ZFHX4: variants seen among roughly 807,000 people sequenced by gnomAD.
The protein encoded by ZFHX4 is zinc finger homeobox 4.
Under a neutral mutation model 267.6 loss-of-function variants are expected in ZFHX4, and 56 were observed. The observed-to-expected ratio is 0.21, with a 90% CI of 0.17 to 0.26. ZFHX4 has a LOEUF of 0.26. Among genes scored for constraint, ZFHX4 ranks in the 10% least tolerant of loss-of-function variants. The pLI is 1.00. For missense variants in ZFHX4, 4,332 were observed against 4,420.0 expected (o/e 0.98, Z 0.56); for synonymous variants, 1,778 against 1,665.6 (o/e 1.07, Z -1.64).
chr8:76,864,798 G>A lies in ZFHX4; in HGVS notation c.*233G>A, dbSNP rs1812987890. The A allele has an allele frequency of 2.0e-5, 6 of 298,744 alleles. 1 individual carries two copies. In the South Asian group the frequency reaches 6.3e-4, roughly 31 times the overall value. 18.5% of individuals were successfully genotyped at this position (298,744 alleles called of 1,614,324 possible). The stretch of plus-strand genomic sequence containing the variant: ...TACTATATGCTAAAATATGGAAAAG[G>A]AAAAAAAAATCTCACAAGTTCTTTT... On this transcript the variant is annotated 3_prime_UTR_variant, in exon 11 of 11. Coordinates refer to ENST00000651372, the MANE Select transcript of ZFHX4 (RefSeq NM_024721.5).
rs552769114 is a variant in ZFHX4, at chr8:76,826,391, G to C, written c.3326-6947G>C. Among the ~76,000 whole-genome samples, 84 of 152,246 alleles carry C rather than the reference G, an allele frequency of 5.5e-4. 1 individual carries two copies. In the South Asian group the frequency reaches 0.016, roughly 29 times the overall value. On this transcript the variant is annotated intron_variant, in intron 4 of 10. Transcript: ENST00000651372. ...ACAAACATCCAAACCATATCACCCT[G>C]TAAGGAGTCTCTGAAAGAGTTAAAG...
chr8:76,753,153 A>G lies in ZFHX4; in HGVS notation c.3094-25055A>G, dbSNP rs536063600. Among the ~76,000 whole-genome samples the G allele has an allele frequency of 2.6e-5, 4 of 152,286 alleles. No individual in the cohort carries two copies. The South Asian group carries it at 8.3e-4, about 32-fold the overall frequency. ...ATCCATAAGTCAACAACATAGAATA[A>G]CCATACTCCAGGCTTCTCTAGAATT... On this transcript the variant is annotated intron_variant, in intron 3 of 10. Transcript: ENST00000651372.
chr8:76,806,222 C>G (rs948348272), intron 4 of ZFHX4, among the ~76,000 whole-genome samples: 1 of 152,036 alleles, frequency 6.6e-6, no homozygotes, highest in Non-Finnish European at 1.5e-5. Context: ...GCATGATCAT[C>G]CAAAAGACAA....
At chr8:76,720,187 C>T (rs557932982) in intron 3 of ZFHX4, among the ~76,000 whole-genome samples, 6 of 152,204 alleles carry the variant, frequency 3.9e-5, no homozygotes, top group Middle Eastern at 3.4e-3. Context: ...CTCCCTTCTC[C>T]GGCCCTAGGC....
At chr8:76,814,212 A>G (rs1379240508) in intron 4 of ZFHX4, among the ~76,000 whole-genome samples, 1 of 152,202 alleles carries the variant, frequency 6.6e-6, no homozygotes, top group Non-Finnish European at 1.5e-5. Flanking sequence ...CTGGGATTAC[A>G]GGTGTATACC....
At chr8:76,695,996 G>T (rs1807946831) in intron 1 of ZFHX4, among the ~76,000 whole-genome samples, 1 of 152,102 alleles carries the variant, frequency 6.6e-6, no homozygotes, top group African/African-American at 2.4e-5. Context: ...TTCAAGCTTG[G>T]TGCTAACTAA....
intron 6 of ZFHX4, among the ~76,000 whole-genome samples, chr8:76,846,232 C>T (rs1444723104): frequency 6.6e-6 from 1 of 152,012 alleles, no homozygotes; most frequent in Non-Finnish European, 1.5e-5. Context: ...TACAAATAAT[C>T]CTGATGACTT....
At position 76,801,186 on chromosome 8, in the gene ZFHX4, A is replaced by T. The variant is rs1376816800; in HGVS notation, c.3325+22747A>T. Among the ~76,000 whole-genome samples the T allele has an allele frequency of 2.0e-5, 3 of 152,064 alleles. No individual in the cohort carries two copies. The East Asian group carries it at 5.8e-4, about 29-fold the overall frequency. On this transcript the variant is annotated intron_variant, in intron 4 of 10. Coordinates refer to ENST00000651372, the MANE Select transcript of ZFHX4 (RefSeq NM_024721.5). ...TTAATTAAAAAAAAAAAATTGAAAG[A>T]TGTCTCCTTTCTCTCACAGTGCATT... is the stretch of plus-strand genomic sequence containing the variant.
intron 4 of ZFHX4, among the ~76,000 whole-genome samples, chr8:76,789,416 T>C (rs184440795): frequency 1.0e-3 from 158 of 152,286 alleles, no homozygotes; most frequent in African/African-American, 3.6e-3. Flanking sequence ...TGTCAGGAAA[T>C]AAATATGTGC....
At chr8:76,812,576 G>A (rs1246285413) in intron 4 of ZFHX4, among the ~76,000 whole-genome samples, 1 of 152,122 alleles carries the variant, frequency 6.6e-6, no homozygotes, top group Non-Finnish European at 1.5e-5. Flanking sequence ...CAGAAAATAT[G>A]CTTTTCAGAA....
intron 4 of ZFHX4, among the ~76,000 whole-genome samples, chr8:76,809,736 C>T (rs1811328425): frequency 6.6e-6 from 1 of 151,850 alleles, no homozygotes; most frequent in Admixed American, 6.6e-5. Context: ...GTAAAAATAC[C>T]ATTAATAAAT....
intron 3 of ZFHX4, among the ~76,000 whole-genome samples, chr8:76,766,093 T>C (rs1199336743): frequency 3.3e-5 from 5 of 151,916 alleles, no homozygotes; most frequent in African/African-American, 9.7e-5. Context: ...TATACATAAA[T>C]AGGGGAACTT....
chr8:76,837,008 T>C (rs1812109134), intron 5 of ZFHX4, among the ~76,000 whole-genome samples: 1 of 151,968 alleles, frequency 6.6e-6, no homozygotes, highest in Non-Finnish European at 1.5e-5. Flanking sequence ...AATGGTAAAG[T>C]TGGGGAAATG....
At chr8:76,756,384 T>C (rs1240455246) in intron 3 of ZFHX4, among the ~76,000 whole-genome samples, 2 of 152,170 alleles carry the variant, frequency 1.3e-5, no homozygotes, top group African/African-American at 4.8e-5. Flanking sequence ...ACACATTTTT[T>C]TTTAACTAGG....
At chr8:76,695,453 T>C (rs1057074482) in intron 1 of ZFHX4, among the ~76,000 whole-genome samples, 4 of 152,198 alleles carry the variant, frequency 2.6e-5, no homozygotes, top group Non-Finnish European at 5.9e-5. Context: ...CTTTTGACAT[T>C]ATGGTAGAAT....
At chr8:76,789,755 G>A (rs1021467280) in intron 4 of ZFHX4, among the ~76,000 whole-genome samples, 3 of 152,214 alleles carry the variant, frequency 2.0e-5, no homozygotes, top group Admixed American at 6.5e-5. Flanking sequence ...ATTGAAAATA[G>A]TGTTGAATTA....
chr8:76,744,073 C>T (rs1035480365), intron 3 of ZFHX4, among the ~76,000 whole-genome samples: 2 of 152,092 alleles, frequency 1.3e-5, no homozygotes, highest in African/African-American at 4.8e-5. Context: ...ATGCTGGGCA[C>T]AGTGGCTCAC....
chr8:76,708,736 G>A (rs1244734880), intron 3 of ZFHX4, among the ~76,000 whole-genome samples: 3 of 152,140 alleles, frequency 2.0e-5, no homozygotes, highest in Admixed American at 6.5e-5. Flanking sequence ...TACTGAATAC[G>A]TGCAAGTGAT....
intron 1 of ZFHX4, among the ~76,000 whole-genome samples, chr8:76,691,694 T>A (rs1227626292): frequency 6.6e-6 from 1 of 152,156 alleles, no homozygotes; most frequent in Admixed American, 6.5e-5. Flanking sequence ...TTGTCCAAGT[T>A]ACTTAATCTT....
Sources: allele counts gnomAD v4.1 joint callset (sites outside exome capture counted in the v4.1 genomes callset), GRCh38; gene constraint gnomAD v4.1.1; transcripts MANE v1.5; gene names NCBI Gene and HGNC (gene_info 2026-07-23, HGNC 2026-07-21).